CASP5: variants seen among roughly 807,000 people sequenced by gnomAD.
CASP5 encodes caspase-5.
CASP5 carries 42 observed loss-of-function variants against 45.2 expected under a neutral mutation model. That is an observed-to-expected ratio of 0.93 (90% CI 0.73 to 1.20). The LOEUF (loss-of-function observed/expected upper bound fraction) is 1.20. CASP5 is among the 50% of genes most tolerant of loss of function. CASP5 has a pLI of 0.00. For synonymous variants in CASP5, 209 were observed against 186.2 expected (o/e 1.12, Z -1.00); for missense variants, 512 against 532.2 (o/e 0.96, Z 0.37).
chr11:105,015,615 C>T lies in CASP5; in HGVS notation c.8-6635G>A, dbSNP rs1419481626. 3.3e-5 allele frequency among the ~76,000 whole-genome samples: 5 copies of T among 152,114 alleles called. 1 individual carries two copies. In the South Asian group the frequency reaches 6.2e-4, roughly 19 times the overall value. ...TTTTGATTAGTGCTCTTCAATTTCT[C>T]CTATCTATTATCTAATGATTCTCCT... On this transcript the variant is annotated intron_variant, in intron 1 of 9. Transcript: ENST00000260315.
intron 1 of CASP5, among the ~76,000 whole-genome samples, chr11:105,011,421 C>A (rs919708842): frequency 6.6e-6 from 1 of 151,664 alleles, no homozygotes; most frequent in Non-Finnish European, 1.5e-5. Context: ...CCACTTTCAC[C>A]GCTTCTATTC....
At chr11:105,023,052 C>T (rs1183917890) in intron 1 of CASP5, 78 bp downstream of exon 1, 8 of 1,318,752 alleles carry the variant, frequency 6.1e-6, no homozygotes, top group Non-Finnish European at 8.6e-6. Context: ...GGTATTTCTG[C>T]CTGTCACATA....
chr11:104,999,058 T>TA (rs748709161), intron 6 of CASP5, 30 bp from the exon 7 acceptor site: 13 of 1,553,418 alleles, frequency 8.4e-6, no homozygotes, highest in African/African-American at 1.4e-5. Context: ...CTTTTTTTTT[T>TA]ATGTTACTTT....
chr11:105,009,726 T>C (rs1409168870), intron 1 of CASP5, among the ~76,000 whole-genome samples: 1,404 of 25,496 alleles, frequency 0.055, 17 homozygotes, highest in African/African-American at 0.085. Flanking sequence ...CACACATATA[T>C]ATATATATAT....
intron 1 of CASP5, among the ~76,000 whole-genome samples, chr11:105,009,706 T>G (rs1466723102): frequency 4.1e-5 from 3 of 73,516 alleles, no homozygotes; most frequent in African/African-American, 1.7e-4. Flanking sequence ...TACCAGGAGA[T>G]ATATATATAC....
chr11:105,021,626 G>T (rs1488514286), intron 1 of CASP5, among the ~76,000 whole-genome samples: 1 of 145,646 alleles, frequency 6.9e-6, no homozygotes, highest in Non-Finnish European at 1.5e-5. Flanking sequence ...TCTCACACGA[G>T]TTAGAATGGC....
intron 7 of CASP5, among the ~76,000 whole-genome samples, chr11:104,998,126 G>A (rs1232746840): frequency 6.6e-6 from 1 of 152,124 alleles, no homozygotes; most frequent in East Asian, 1.9e-4. Flanking sequence ...ATAGAGAGCT[G>A]GAGGAATCTT....
Position 104,995,856 on chromosome 11 carries a change from C to G in CASP5, c.1207-14G>C, listed in dbSNP as rs377647933. 1.3e-6 allele frequency: 2 copies of G among 1,545,682 alleles called. No individual in the cohort carries two copies. The highest frequency in any genetic ancestry group is 2.7e-5 in the African/African-American group (2 of 73,508). ...TGATTTCTGTACCTAAAAGAAAAAA[C>G]AGTAGATGAGATATGAGGGATTTTG... On this transcript the variant is annotated splice_polypyrimidine_tract_variant and intron_variant, in intron 8 of 9. Coordinates refer to ENST00000260315, the MANE Select transcript of CASP5 (RefSeq NM_004347.5).
At chr11:105,019,107 C>T (rs1460528471) in intron 1 of CASP5, among the ~76,000 whole-genome samples, 71 of 149,920 alleles carry the variant, frequency 4.7e-4, no homozygotes, top group Admixed American at 1.6e-3. Context: ...TTGAAACCAA[C>T]GAGAACAAAG....
intron 3 of CASP5, 72 bp from the exon 4 acceptor site, chr11:105,003,455 G>GAA (rs1224172894): frequency 1.4e-6 from 1 of 715,626 alleles, no homozygotes; most frequent in African/African-American, 1.8e-5. Context: ...AGAACTTTGA[G>GAA]AGAGAGAGAG....
chr11:105,009,410 G>A (rs1336054544), intron 1 of CASP5, among the ~76,000 whole-genome samples: 1 of 151,470 alleles, frequency 6.6e-6, no homozygotes, highest in South Asian at 2.1e-4. Context: ...AGCTTCCTTG[G>A]TGAATTAACT....
chr11:104,995,613 C>T (rs1861426497), intron 9 of CASP5, 127 bp downstream of exon 9: 1 of 586,110 alleles, frequency 1.7e-6, no homozygotes, highest in Admixed American at 3.0e-5. Flanking sequence ...AATAAATACT[C>T]ACCAGACTAC....
At position 105,002,163 on chromosome 11, in the gene CASP5, C is replaced by T. The variant is rs377015243; in HGVS notation, c.582G>A (p.Leu194=). ...PIKKREDRRR[L]ALIICNTKFD... Reference sequence around the variant, plus strand: ...ACTTTGTATTGCATATGATGAGAGCCAGGCGTCTGCGGTCCTCTCTCTTTT... The same window carrying T: ...ACTTTGTATTGCATATGATGAGAGCTAGGCGTCTGCGGTCCTCTCTCTTTT... Residue 194 remains leucine, a synonymous_variant, in exon 5 of 10, where the codon CTG becomes CTA. Coordinates refer to ENST00000260315, the MANE Select transcript of CASP5 (RefSeq NM_004347.5). 1.2e-5 allele frequency: 19 copies of T among 1,613,984 alleles called. No individual in the cohort carries two copies. The highest frequency in any genetic ancestry group is 1.5e-5 in the Non-Finnish European group (18 of 1,180,004).
At chr11:105,003,798 G>A (rs2134709541) in intron 3 of CASP5, among the ~76,000 whole-genome samples, 1 of 151,988 alleles carries the variant, frequency 6.6e-6, no homozygotes, top group Admixed American at 6.6e-5. Context: ...GAAATACAAT[G>A]TGAGTTCCAT....
At chr11:105,008,119 T>C (rs753496755) in intron 2 of CASP5, among the ~76,000 whole-genome samples, 16 of 152,134 alleles carry the variant, frequency 1.1e-4, no homozygotes, top group Non-Finnish European at 2.1e-4. Flanking sequence ...CTGCCAGTCA[T>C]TGGTAAAGCA....
chr11:105,007,452 T>C, intron 2 of CASP5, 118 bp from the exon 3 acceptor site: 1 of 994,502 alleles, frequency 1.0e-6, no homozygotes, highest in Non-Finnish European at 1.5e-6. Flanking sequence ...TTTTACCATG[T>C]CTCCAGCGAA....
rs182113644 is a variant in CASP5, at chr11:105,006,138, T to G, written c.433+945A>C. Among the ~76,000 whole-genome samples the G allele has an allele frequency of 1.8e-3, 277 of 152,278 alleles. 1 individual carries two copies. Among genetic ancestry groups the G allele is most frequent in the African/African-American group, 6.2e-3 (258 of 41,560 alleles). On this transcript the variant is annotated intron_variant, in intron 3 of 9. Coordinates refer to ENST00000260315, the MANE Select transcript of CASP5 (RefSeq NM_004347.5). Reference sequence around the variant, plus strand: ...CCTGGAAAACATGGATCTGAGAACATTTAGGCTCTAATAATACTGATAATT... The same window carrying G: ...CCTGGAAAACATGGATCTGAGAACAGTTAGGCTCTAATAATACTGATAATT...
chr11:104,995,174 C>T (rs1861401305), intron 9 of CASP5: 1 of 152,244 alleles, frequency 6.6e-6, no homozygotes, highest in South Asian at 2.1e-4. Context: ...ACACAATAAA[C>T]CCTGCCCTCC....
chr11:105,003,063 G>C (rs1402171716), intron 4 of CASP5, among the ~76,000 whole-genome samples: 1 of 151,818 alleles, frequency 6.6e-6, no homozygotes, highest in African/African-American at 2.4e-5. Flanking sequence ...AGCCTGGCAA[G>C]GTAGTGTGCA....
Sources: allele counts gnomAD v4.1 joint callset (sites outside exome capture counted in the v4.1 genomes callset), GRCh38; gene constraint gnomAD v4.1.1; transcripts MANE v1.5; gene names NCBI Gene and HGNC (gene_info 2026-07-23, HGNC 2026-07-21).